CTDSPL: variants seen among roughly 807,000 people sequenced by gnomAD.
CTDSPL encodes CTD small phosphatase-like protein.
CTDSPL carries 8 observed loss-of-function variants against 30.5 expected under a neutral mutation model. The observed-to-expected ratio is 0.26, with a 90% CI of 0.15 to 0.47. CTDSPL has a LOEUF of 0.47. Ranked by LOEUF, CTDSPL falls within the 20% of genes least tolerant of loss-of-function variation. CTDSPL has a pLI of 0.99. For missense variants in CTDSPL, 248 were observed against 366.1 expected (o/e 0.68, Z 2.63); for synonymous variants, 110 against 137.9 (o/e 0.80, Z 1.42).
At position 37,960,531 on chromosome 3, in the gene CTDSPL, T is replaced by TAC. The variant is rs1264623772; in HGVS notation, c.267+3389_267+3390insCA. Among the ~76,000 whole-genome samples, 378 of 47,202 alleles carry TAC rather than the reference T, an allele frequency of 8.0e-3. 4 individuals carry two copies. The highest frequency in any genetic ancestry group is 0.01 in the Non-Finnish European group (265 of 26,370). 31.0% of individuals were successfully genotyped at this position (47,202 alleles called of 152,430 possible). A position where few individuals can be genotyped will look rare whatever the true frequency, so the allele number is the denominator to read the frequency against. ...ATATATATATATATATATATATATA[T>TAC]ATATACACACACACACACACACACA... is the stretch of plus-strand genomic sequence containing the variant. On this transcript the variant is annotated intron_variant, in intron 3 of 7. Transcript: ENST00000273179.
intron 1 of CTDSPL, among the ~76,000 whole-genome samples, chr3:37,872,083 A>G (rs73056952): frequency 0.052 from 7,845 of 152,100 alleles, 248 homozygotes; most frequent in South Asian, 0.095. Flanking sequence ...CCTCAACCTC[A>G]TGGACTCAAG....
intron 3 of CTDSPL, 63 bp downstream of exon 3, chr3:37,957,206 A>T: frequency 4.3e-6 from 5 of 1,170,032 alleles, no homozygotes; most frequent in Non-Finnish European, 4.9e-6. Context: ...CTTTGGGCCT[A>T]CTTATATAAA....
intron 5 of CTDSPL, chr3:37,969,602 C>G: frequency 2.9e-6 from 1 of 348,342 alleles, no homozygotes; most frequent in South Asian, 2.1e-5. Flanking sequence ...AAGCAGGACT[C>G]CCAGGGTGAC....
intron 3 of CTDSPL, among the ~76,000 whole-genome samples, chr3:37,960,112 G>A (rs551011024): frequency 1.1e-4 from 16 of 152,218 alleles, no homozygotes; most frequent in African/African-American, 3.6e-4. Flanking sequence ...CACTGAGGCC[G>A]AGGTGGGCGG....
At chr3:37,916,719 TG>T (rs1222061519) in intron 1 of CTDSPL, among the ~76,000 whole-genome samples, 1 of 152,202 alleles carries the variant, frequency 6.6e-6, no homozygotes, top group African/African-American at 2.4e-5. Context: ...AAATTTCTGT[TG>T]TTTTAAGCTA....
chr3:37,910,779 G>C (rs541611574), intron 1 of CTDSPL, among the ~76,000 whole-genome samples: 16 of 152,252 alleles, frequency 1.1e-4, no homozygotes, highest in African/African-American at 3.9e-4. Flanking sequence ...CTTTGTCCCA[G>C]GGAAACACAT....
In CTDSPL at chr3:37,980,889, C is replaced by T. The variant is rs770753432; in HGVS notation, c.*22C>T. On this transcript the variant is annotated 3_prime_UTR_variant, in exon 8 of 8. Transcript: ENST00000273179. The stretch of plus-strand genomic sequence containing the variant: ...GTAGCCCTGGCCTCTGCCTGCCTCC[C>T]GCCTGTGCACTCTGGAACCTCTGGC... 23 of 1,609,680 alleles carry T rather than the reference C, an allele frequency of 1.4e-5. No homozygotes were observed. The highest frequency in any genetic ancestry group is 4.4e-5 in the South Asian group (4 of 90,816).
chr3:37,969,437 G>A (rs1699338393), intron 5 of CTDSPL: 1 of 531,230 alleles, frequency 1.9e-6, no homozygotes, highest in Non-Finnish European at 3.9e-6. Context: ...GATAGGCTGT[G>A]CAGGTCCCAA....
chr3:37,908,383 A>G (rs1412772143), intron 1 of CTDSPL, among the ~76,000 whole-genome samples: 4 of 152,196 alleles, frequency 2.6e-5, no homozygotes, highest in African/African-American at 9.7e-5. Context: ...CCTCTATAAC[A>G]TTTTAATATC....
At chr3:37,880,712 A>C (rs141373944) in intron 1 of CTDSPL, among the ~76,000 whole-genome samples, 1 of 152,362 alleles carries the variant, frequency 6.6e-6, no homozygotes, top group East Asian at 1.9e-4. Flanking sequence ...CCACTTACAC[A>C]CTATATCTAG....
At chr3:37,891,208 T>G (rs1698321351) in intron 1 of CTDSPL, among the ~76,000 whole-genome samples, 1 of 152,172 alleles carries the variant, frequency 6.6e-6, no homozygotes, top group South Asian at 2.1e-4. Context: ...GGGAGTGACC[T>G]TTCCATACAT....
At chr3:37,945,282 T>C (rs963999988) in intron 1 of CTDSPL, among the ~76,000 whole-genome samples, 3 of 150,546 alleles carry the variant, frequency 2.0e-5, no homozygotes, top group African/African-American at 4.8e-5. Context: ...TGTTCCACCT[T>C]CTTAATCTAA....
At chr3:37,969,910 T>A (rs1699347348) in intron 5 of CTDSPL, among the ~76,000 whole-genome samples, 1 of 152,166 alleles carries the variant, frequency 6.6e-6, no homozygotes, top group Non-Finnish European at 1.5e-5. Context: ...TGTATAGAAT[T>A]CCTCGGCCAG....
At chr3:37,873,080 C>T (rs1009724872) in intron 1 of CTDSPL, among the ~76,000 whole-genome samples, 1 of 152,196 alleles carries the variant, frequency 6.6e-6, no homozygotes, top group Non-Finnish European at 1.5e-5. Flanking sequence ...GCCATGTGGT[C>T]TCCACTGACC....
At chr3:37,869,259 A>G (rs1321027186) in intron 1 of CTDSPL, among the ~76,000 whole-genome samples, 1 of 152,020 alleles carries the variant, frequency 6.6e-6, no homozygotes, top group Non-Finnish European at 1.5e-5. Flanking sequence ...CATCTCAAAC[A>G]TTTATCATTT....
chr3:37,943,955 C>T (rs1459674150), intron 1 of CTDSPL, among the ~76,000 whole-genome samples: 3 of 150,162 alleles, frequency 2.0e-5, no homozygotes, highest in African/African-American at 7.3e-5. Context: ...TATCATAGAC[C>T]AGGAGTGGCT....
rs540432428 is a variant in CTDSPL, at chr3:37,948,714, A to T, written c.234+1503A>T. ...TGGTCAAACATACGAAAAAATAAGA[A>T]AAATGTTGCACATATAAATACATGA... On this transcript the variant is annotated intron_variant, in intron 2 of 7. Transcript: ENST00000273179. Among the ~76,000 whole-genome samples, 5 of 152,360 alleles carry T rather than the reference A, an allele frequency of 3.3e-5. No homozygotes were observed. The South Asian group carries it at 1.0e-3, about 32-fold the overall frequency.
chr3:37,901,092 C>T (rs1276834938), intron 1 of CTDSPL, among the ~76,000 whole-genome samples: 1 of 152,190 alleles, frequency 6.6e-6, no homozygotes, highest in Non-Finnish European at 1.5e-5. Context: ...CCACCACGTA[C>T]AGCCTGAGAA....
chr3:37,973,086 A>T (rs1302526359), intron 6 of CTDSPL, among the ~76,000 whole-genome samples: 1 of 152,194 alleles, frequency 6.6e-6, no homozygotes, highest in Non-Finnish European at 1.5e-5. Flanking sequence ...CAGACTTATC[A>T]CCAGGCCTTA....
Sources: allele counts gnomAD v4.1 joint callset (sites outside exome capture counted in the v4.1 genomes callset), GRCh38; gene constraint gnomAD v4.1.1; transcripts MANE v1.5; gene names NCBI Gene and HGNC (gene_info 2026-07-23, HGNC 2026-07-21).